Variants in TMEFF2 observed in about 807,000 individuals in gnomAD.
TMEFF2 encodes the protein tomoregulin-2.
TMEFF2 carries 28 observed loss-of-function variants against 53.8 expected under a neutral mutation model. That is an observed-to-expected ratio of 0.52 (90% CI 0.39 to 0.71). TMEFF2 has a LOEUF of 0.71. TMEFF2 is among the 30% of genes least tolerant of loss of function. TMEFF2 has a pLI of 0.00. For missense variants in TMEFF2, 353 were observed against 455.2 expected (o/e 0.78, Z 2.04); for synonymous variants, 162 against 166.3 (o/e 0.97, Z 0.20).
chr2:192,006,542 T>C (rs1574285931), intron 5 of TMEFF2, among the ~76,000 whole-genome samples: 1 of 152,310 alleles, frequency 6.6e-6, no homozygotes, highest in South Asian at 2.1e-4. Context: ...TGAGGCTTAT[T>C]TACTAGCTGG....
In TMEFF2 at chr2:192,103,736, A is replaced by G. The variant is rs1689085483; in HGVS notation, c.440-45961T>C. Among the ~76,000 whole-genome samples, 3 of 152,060 alleles carry G rather than the reference A, an allele frequency of 2.0e-5. No homozygotes were observed. The South Asian group carries it at 6.2e-4, about 32-fold the overall frequency. ...GGCTCTCTTGGTAAGAATCAAAGCA[A>G]TGGTGGGGTCATTAGTAGAATGAGA... On this transcript the variant is annotated intron_variant, in intron 4 of 9. Coordinates refer to ENST00000272771, the MANE Select transcript of TMEFF2 (RefSeq NM_016192.4).
rs1251486840 is a variant in TMEFF2 at position 191,992,906 on chromosome 2, G to A, written c.745+5356C>T. 6.6e-5 allele frequency among the ~76,000 whole-genome samples: 10 copies of A among 152,170 alleles called. No individual in the cohort carries two copies. The East Asian group carries it at 1.5e-3, about 23-fold the overall frequency. Reference sequence around the variant, plus strand: ...GGAACTGCCAAATGGTTAACGCTTAGGGTGCAGAGTCAGTCCCAAAGCTGG... The same window carrying A: ...GGAACTGCCAAATGGTTAACGCTTAAGGTGCAGAGTCAGTCCCAAAGCTGG... On this transcript the variant is annotated intron_variant, in intron 7 of 9. Coordinates refer to ENST00000272771, the MANE Select transcript of TMEFF2 (RefSeq NM_016192.4).
At chr2:192,135,983 G>A (rs34874254) in intron 4 of TMEFF2, among the ~76,000 whole-genome samples, 57,559 of 149,882 alleles carry the variant, frequency 0.38, 12,260 homozygotes, top group Middle Eastern at 0.52. Flanking sequence ...CCTATAAAAC[G>A]GCCCCACCCC....
At chr2:192,130,385 A>G (rs1039566804) in intron 4 of TMEFF2, among the ~76,000 whole-genome samples, 1 of 152,118 alleles carries the variant, frequency 6.6e-6, no homozygotes, top group Non-Finnish European at 1.5e-5. Flanking sequence ...TAGAAAGAGT[A>G]TGTCAGGCCT....
At chr2:192,125,882 C>T (rs1049942785) in intron 4 of TMEFF2, among the ~76,000 whole-genome samples, 8 of 152,030 alleles carry the variant, frequency 5.3e-5, no homozygotes, top group African/African-American at 1.9e-4. Context: ...AGAGGAATGG[C>T]GGGAGGGCAA....
chr2:192,039,974 C>T (rs1574316228), intron 5 of TMEFF2, among the ~76,000 whole-genome samples: 1 of 152,152 alleles, frequency 6.6e-6, no homozygotes, highest in East Asian at 1.9e-4. Context: ...AACAAAGAAT[C>T]ACCTACAATT....
intron 5 of TMEFF2, among the ~76,000 whole-genome samples, chr2:192,037,280 A>AGAAAGAAAGAAAG (rs1334337139): frequency 1.2e-4 from 15 of 122,386 alleles, no homozygotes; most frequent in African/African-American, 5.3e-4. Context: ...AAATAAAGAA[A>AGAAAGAAAGAAAG]GAAAGAAAGA....
At chr2:192,121,847 G>C (rs572522086) in intron 4 of TMEFF2, among the ~76,000 whole-genome samples, 44 of 152,164 alleles carry the variant, frequency 2.9e-4, no homozygotes, top group Non-Finnish European at 5.3e-4. Context: ...GAGAATTGCT[G>C]AGAGAAACTT....
At chr2:192,158,285 G>A (rs1436451535) in intron 4 of TMEFF2, among the ~76,000 whole-genome samples, 1 of 151,958 alleles carries the variant, frequency 6.6e-6, no homozygotes, top group Admixed American at 6.6e-5. Flanking sequence ...CAAATTTAAA[G>A]GACAGAACTT....
At chr2:192,130,221 T>C (rs373332319) in intron 4 of TMEFF2, among the ~76,000 whole-genome samples, 1 of 111,970 alleles carries the variant, frequency 8.9e-6, no homozygotes, top group African/African-American at 4.7e-5. Flanking sequence ...AAAATAAAAG[T>C]AAGAACTCAG....
rs1351732620 is a variant in TMEFF2, at chr2:192,165,477, A to G, written c.439+14191T>C. On this transcript the variant is annotated intron_variant, in intron 4 of 9. Transcript: ENST00000272771. Reference sequence around the variant, plus strand: ...TAAAACAAGATAGTTTAGTCTCTAGAGTGTTATACTGGGCTTATCAATTAT... The same window carrying G: ...TAAAACAAGATAGTTTAGTCTCTAGGGTGTTATACTGGGCTTATCAATTAT... 2.0e-5 allele frequency among the ~76,000 whole-genome samples: 3 copies of G among 152,250 alleles called. No homozygotes were observed. In the East Asian group the frequency reaches 5.8e-4, roughly 29 times the overall value.
intron 7 of TMEFF2, among the ~76,000 whole-genome samples, chr2:191,966,043 A>G (rs1574250969): frequency 6.6e-6 from 1 of 152,168 alleles, no homozygotes; most frequent in East Asian, 1.9e-4. Flanking sequence ...ACATAGCACA[A>G]GATGATGAAT....
intron 3 of TMEFF2, among the ~76,000 whole-genome samples, chr2:192,183,591 A>T (rs754514472): frequency 1.4e-4 from 21 of 152,098 alleles, no homozygotes; most frequent in Non-Finnish European, 2.8e-4. Context: ...ATGGCACCTT[A>T]CAGCCTCTAC....
At chr2:192,116,270 TAAAG>T (rs1416047693) in intron 4 of TMEFF2, among the ~76,000 whole-genome samples, 1 of 151,966 alleles carries the variant, frequency 6.6e-6, no homozygotes, top group Non-Finnish European at 1.5e-5. Flanking sequence ...ATGTGGAATC[TAAAG>T]AGTCAAACTC....
intron 4 of TMEFF2, among the ~76,000 whole-genome samples, chr2:192,059,670 C>G (rs1362187497): frequency 6.6e-6 from 1 of 152,130 alleles, no homozygotes; most frequent in Non-Finnish European, 1.5e-5. Context: ...GACTGGAGGT[C>G]ATCCAGGGAT....
At position 192,054,498 on chromosome 2, in the gene TMEFF2, G is replaced by T. The variant is rs539848417; in HGVS notation, c.536+3181C>A. 2.6e-5 allele frequency among the ~76,000 whole-genome samples: 4 copies of T among 152,100 alleles called. No individual in the cohort carries two copies. The South Asian group carries it at 8.3e-4, about 32-fold the overall frequency. ...TGTAGACAATTGCTAAGCCTTTCTG[G>T]TGCCACTATCCTTGCCCATATCTTT... On this transcript the variant is annotated intron_variant, in intron 5 of 9. Transcript: ENST00000272771.
intron 7 of TMEFF2, among the ~76,000 whole-genome samples, chr2:191,995,964 A>G (rs1686212058): frequency 6.6e-6 from 1 of 151,942 alleles, no homozygotes; most frequent in Non-Finnish European, 1.5e-5. Flanking sequence ...AAGAGTTTTC[A>G]TTTGCATGTA....
chr2:192,163,726 A>C lies in TMEFF2; in HGVS notation c.439+15942T>G, dbSNP rs566374264. On this transcript the variant is annotated intron_variant, in intron 4 of 9. Coordinates refer to ENST00000272771, the MANE Select transcript of TMEFF2 (RefSeq NM_016192.4). ...ATGCATGGGCTTTGGTTTTTAAAAT[A>C]ATGCTTTTTATGACACATTTTCATG... is the stretch of plus-strand genomic sequence containing the variant. Among the ~76,000 whole-genome samples the C allele has an allele frequency of 7.9e-5, 12 of 152,314 alleles. No individual in the cohort carries two copies. The South Asian group carries it at 2.5e-3, about 32-fold the overall frequency.
chr2:192,005,617 C>A (rs987323306), intron 5 of TMEFF2, among the ~76,000 whole-genome samples: 1 of 152,106 alleles, frequency 6.6e-6, no homozygotes, highest in African/African-American at 2.4e-5. Context: ...GGCTGGCTTT[C>A]TGGTTGTTTC....
Sources: gnomAD v4.1 joint callset for allele counts (sites outside exome capture counted in the v4.1 genomes callset) on GRCh38, gnomAD v4.1.1 for gene constraint, MANE v1.5 for transcripts, NCBI Gene and HGNC (gene_info 2026-07-23, HGNC 2026-07-21) for gene names.